The following STX8 variants were observed in gnomAD, a reference collection of about 807,000 sequenced individuals.
The protein encoded by STX8 is syntaxin-8.
A neutral mutation model predicts 37.5 loss-of-function variants in STX8; 23 were observed. The ratio of observed to expected loss-of-function variants is 0.61; its 90% CI spans 0.44 to 0.87. STX8 has a LOEUF of 0.87. STX8 is among the 40% of genes least tolerant of loss of function. STX8 has a pLI of 0.00. For missense variants in STX8, 313 were observed against 284.7 expected (o/e 1.10, Z -0.71); for synonymous variants, 115 against 99.1 (o/e 1.16, Z -0.95).
intron 6 of STX8, among the ~76,000 whole-genome samples, chr17:9,422,899 T>G (rs2142353954): frequency 6.6e-6 from 1 of 152,338 alleles, no homozygotes; most frequent in Middle Eastern, 3.4e-3. Flanking sequence ...ATGCTGGACA[T>G]AAATGTCTGT....
chr17:9,505,581 C>A (rs1904792354), intron 4 of STX8, among the ~76,000 whole-genome samples: 1 of 152,146 alleles, frequency 6.6e-6, no homozygotes, highest in South Asian at 2.1e-4. Context: ...CAAGCAGACA[C>A]AATGTTGCGA....
chr17:9,275,226 C>T (rs1473302757), intron 7 of STX8, among the ~76,000 whole-genome samples: 2 of 152,138 alleles, frequency 1.3e-5, no homozygotes, highest in East Asian at 1.9e-4. Flanking sequence ...TCTGGGGTCC[C>T]TTCCTTGGTA....
chr17:9,521,795 T>C (rs759347467), intron 4 of STX8, among the ~76,000 whole-genome samples: 6 of 152,210 alleles, frequency 3.9e-5, no homozygotes, highest in Non-Finnish European at 8.8e-5. Flanking sequence ...CCATTGAGTA[T>C]TAGTCCAGAA....
At chr17:9,494,569 T>C (rs989900117) in intron 5 of STX8, among the ~76,000 whole-genome samples, 1 of 119,234 alleles carries the variant, frequency 8.4e-6, no homozygotes. Flanking sequence ...TGAGCCGAGA[T>C]GGCGCCACTG....
chr17:9,390,145 T>G (rs1912161713), intron 6 of STX8, among the ~76,000 whole-genome samples: 1 of 152,326 alleles, frequency 6.6e-6, no homozygotes, highest in Admixed American at 6.5e-5. Context: ...CACAGCCAGA[T>G]GGGCCAGGTT....
intron 7 of STX8, among the ~76,000 whole-genome samples, chr17:9,374,335 G>T (rs1911513978): frequency 6.6e-6 from 1 of 152,158 alleles, no homozygotes; most frequent in Non-Finnish European, 1.5e-5. Context: ...ACATGCCTCG[G>T]CCTTCCAAAG....
intron 6 of STX8, among the ~76,000 whole-genome samples, chr17:9,454,336 G>A (rs549788537): frequency 1.1e-4 from 16 of 152,172 alleles, no homozygotes; most frequent in Non-Finnish European, 1.9e-4. Context: ...AGAGCAGGAT[G>A]GCATGAGATT....
Position 9,300,262 on chromosome 17 carries a change from A to T in STX8, c.644-49617T>A, listed in dbSNP as rs2244374. On this transcript the variant is annotated intron_variant, in intron 7 of 7. Coordinates refer to ENST00000306357, the MANE Select transcript of STX8 (RefSeq NM_004853.3). ...AGGAGAATCACTTGAACCTGGGAGG[A>T]GGAGGTTGCGGTGAGCCACGGTGGT... 5.4e-5 allele frequency among the ~76,000 whole-genome samples: 8 copies of T among 147,626 alleles called. No individual in the cohort carries two copies. In the East Asian group the frequency reaches 1.0e-3, roughly 19 times the overall value.
At chr17:9,349,151 C>T (rs761375953) in intron 7 of STX8, among the ~76,000 whole-genome samples, 1 of 151,634 alleles carries the variant, frequency 6.6e-6, no homozygotes, top group African/African-American at 2.4e-5. Context: ...ACTTCCATAC[C>T]CAGCTAATTT....
chr17:9,507,917 T>C lies in STX8; in HGVS notation c.324-2755A>G, dbSNP rs1273239626. Among the ~76,000 whole-genome samples the C allele has an allele frequency of 6.6e-6, 1 of 152,132 alleles. No individual in the cohort carries two copies. The highest frequency in any genetic ancestry group is 2.4e-5 in the African/African-American group (1 of 41,428). On this transcript the variant is annotated intron_variant, in intron 4 of 7. Transcript: ENST00000306357. The surrounding 1 kb of genome is among the most constrained non-coding windows in gnomAD (Gnocchi z 4.0). ...GAACCAACACCCCAAGATCCATTCATACAAATATTTCTTTCCCTGCAAAAC... is the reference window on the plus strand; with the variant it reads ...GAACCAACACCCCAAGATCCATTCACACAAATATTTCTTTCCCTGCAAAAC...
intron 6 of STX8, among the ~76,000 whole-genome samples, chr17:9,400,349 C>T (rs1386865806): frequency 6.6e-6 from 1 of 152,012 alleles, no homozygotes; most frequent in Non-Finnish European, 1.5e-5. Flanking sequence ...GATCCGCCTG[C>T]CTCAGCCTCC....
intron 3 of STX8, chr17:9,555,054 A>G (rs1906912920): frequency 3.9e-5 from 6 of 152,220 alleles, no homozygotes; most frequent in Admixed American, 3.9e-4. Flanking sequence ...AATAAATAGA[A>G]TTTTAAAGAA....
chr17:9,342,550 C>T (rs758814530), intron 7 of STX8, among the ~76,000 whole-genome samples: 3 of 152,114 alleles, frequency 2.0e-5, no homozygotes, highest in Non-Finnish European at 2.9e-5. Context: ...GCCAGAGCTA[C>T]GGGAAGAACA....
chr17:9,296,189 C>A (rs1225503441), intron 7 of STX8, among the ~76,000 whole-genome samples: 1 of 145,796 alleles, frequency 6.9e-6, no homozygotes, highest in Non-Finnish European at 1.5e-5. Flanking sequence ...GACTCCGTCT[C>A]AAAAAAATTA....
intron 7 of STX8, among the ~76,000 whole-genome samples, chr17:9,282,334 G>C (rs756918292): frequency 6.6e-6 from 1 of 152,074 alleles, no homozygotes; most frequent in African/African-American, 2.4e-5. Context: ...GGGTTTCACC[G>C]TGTTAGCCAG....
intron 6 of STX8, among the ~76,000 whole-genome samples, chr17:9,390,652 C>T (rs1362564767): frequency 6.7e-6 from 1 of 149,692 alleles, no homozygotes; most frequent in Non-Finnish European, 1.5e-5. Context: ...GTAGTGAAAC[C>T]CTGTCTCTAC....
chr17:9,253,714 T>C (rs550049714), intron 7 of STX8, among the ~76,000 whole-genome samples: 1 of 152,184 alleles, frequency 6.6e-6, no homozygotes, highest in East Asian at 1.9e-4. Flanking sequence ...GGGAGGACAC[T>C]TGGGCCCAGA....
At chr17:9,468,403 C>T (rs1215491660) in intron 6 of STX8, among the ~76,000 whole-genome samples, 1 of 152,156 alleles carries the variant, frequency 6.6e-6, no homozygotes, top group Non-Finnish European at 1.5e-5. Flanking sequence ...AGCCACTGCA[C>T]CCAGCAATAT....
Position 9,364,559 on chromosome 17 carries a change from TTG to T in STX8, c.643+13991_643+13992del, listed in dbSNP as rs1475309310. On this transcript the variant is annotated intron_variant, in intron 7 of 7. Coordinates refer to ENST00000306357, the MANE Select transcript of STX8 (RefSeq NM_004853.3). Reference sequence around the variant, plus strand: ...TTATATTTTTTTTTGAGACAGTTTTTTGCTCTTGTTGCCCAGGCTGGAGGGCA... The same window carrying T: ...TTATATTTTTTTTTGAGACAGTTTTTCTCTTGTTGCCCAGGCTGGAGGGCA... Among the ~76,000 whole-genome samples the T allele has an allele frequency of 2.1e-3, 315 of 152,242 alleles. 1 individual carries two copies. The highest frequency in any genetic ancestry group is 6.5e-3 in the African/African-American group (269 of 41,556).
Sources: gnomAD v4.1 joint callset for allele counts (sites outside exome capture counted in the v4.1 genomes callset) on GRCh38, gnomAD v4.1.1 for gene constraint, Gnocchi (gnomAD v3.1) non-coding constraint, MANE v1.5 for transcripts, NCBI Gene and HGNC (gene_info 2026-07-23, HGNC 2026-07-21) for gene names.